The following GMDS variants were observed in gnomAD, a reference collection of about 807,000 sequenced individuals.
The protein encoded by GMDS is GDP-mannose 4,6-dehydratase.
GMDS carries 20 observed loss-of-function variants against 49.9 expected under a neutral mutation model. The ratio of observed to expected loss-of-function variants is 0.40; its 90% CI spans 0.28 to 0.58. The LOEUF is 0.58. Ranked by LOEUF, GMDS falls within the 20% of genes least tolerant of loss-of-function variation. The probability of loss-of-function intolerance (pLI) is 0.42; values close to 1 mark genes in which losing one functional copy is unlikely to be tolerated. For missense variants in GMDS, 362 were observed against 481.4 expected, an observed-to-expected ratio of 0.75 and a Z score of 2.32; for synonymous variants, 177 against 178.6, an observed-to-expected ratio of 0.99 and a Z score of 0.07.
intron 7 of GMDS, among the ~76,000 whole-genome samples, chr6:1,781,327 TG>T (rs1444765593): frequency 6.6e-6 from 1 of 152,194 alleles, no homozygotes; most frequent in South Asian, 2.1e-4. Context: ...CTGCTGCTGG[TG>T]GTCCTTGCCC....
At chr6:1,728,450 A>G (rs1028795666) in intron 8 of GMDS, among the ~76,000 whole-genome samples, 1 of 152,188 alleles carries the variant, frequency 6.6e-6, no homozygotes, top group African/African-American at 2.4e-5. Context: ...CAGAAATACC[A>G]TTTACAATTC....
At chr6:2,210,354 G>GT (rs1780008850) in intron 1 of GMDS, among the ~76,000 whole-genome samples, 1 of 152,182 alleles carries the variant, frequency 6.6e-6, no homozygotes, top group Non-Finnish European at 1.5e-5. Flanking sequence ...CTGGCAAATA[G>GT]TAAGTGCTCA....
chr6:1,788,953 C>G (rs1008429348), intron 7 of GMDS, among the ~76,000 whole-genome samples: 7 of 152,142 alleles, frequency 4.6e-5, no homozygotes, highest in African/African-American at 1.7e-4. Flanking sequence ...GGGCACCAGC[C>G]CCGGTTTGCG....
chr6:1,712,769 TA>T (rs1298668655), intron 9 of GMDS, among the ~76,000 whole-genome samples: 294 of 148,680 alleles, frequency 2.0e-3, no homozygotes, highest in African/African-American at 6.8e-3. Context: ...TTGAATTCTT[TA>T]AAAAAAAAAC....
At chr6:1,700,089 T>G (rs956046585) in intron 9 of GMDS, among the ~76,000 whole-genome samples, 7 of 152,148 alleles carry the variant, frequency 4.6e-5, no homozygotes, top group Non-Finnish European at 1.0e-4. Context: ...GACACCAAAG[T>G]GTATGAGCTC....
At chr6:2,102,649 C>T (rs150188466) in intron 4 of GMDS, among the ~76,000 whole-genome samples, 80 of 152,294 alleles carry the variant, frequency 5.3e-4, no homozygotes, top group Middle Eastern at 3.4e-3. Context: ...AGAAAAAGTA[C>T]GCAGTCACCT....
At chr6:1,785,838 G>A (rs1272813568) in intron 7 of GMDS, among the ~76,000 whole-genome samples, 2 of 152,226 alleles carry the variant, frequency 1.3e-5, no homozygotes, top group African/African-American at 4.8e-5. Flanking sequence ...CTTCAGCAGT[G>A]CTCATTTTCT....
At chr6:1,650,991 C>G (rs1010629121) in intron 9 of GMDS, among the ~76,000 whole-genome samples, 2 of 152,252 alleles carry the variant, frequency 1.3e-5, no homozygotes, top group African/African-American at 4.8e-5. Flanking sequence ...AAGTACTCGG[C>G]AACCCTGCCA....
chr6:1,990,755 T>TG (rs1185529795), intron 4 of GMDS, among the ~76,000 whole-genome samples: 15 of 136,506 alleles, frequency 1.1e-4, no homozygotes, highest in African/African-American at 3.5e-4. Flanking sequence ...TTTTTTTTTT[T>TG]GGGGGGGTAG....
chr6:2,033,351 C>T (rs974664229), intron 4 of GMDS, among the ~76,000 whole-genome samples: 12 of 152,140 alleles, frequency 7.9e-5, no homozygotes, highest in Admixed American at 5.9e-4. Flanking sequence ...AGCAATATTT[C>T]CCTTAAACAT....
At position 1,673,133 on chromosome 6, in the gene GMDS, C is replaced by T. The variant is rs1418710370; in HGVS notation, c.988-48593G>A. ...GTTTAAGATCTCAGAGAGGTCTCTC[C>T]AGTTTCAGACAGTCACCAATGCCAG... On this transcript the variant is annotated intron_variant, in intron 9 of 10. Transcript: ENST00000380815. 3.3e-5 allele frequency among the ~76,000 whole-genome samples: 5 copies of T among 152,208 alleles called. No individual in the cohort carries two copies. The East Asian group carries it at 9.6e-4, about 29-fold the overall frequency.
At chr6:1,933,798 G>T (rs1051384080) in intron 6 of GMDS, among the ~76,000 whole-genome samples, 1 of 152,144 alleles carries the variant, frequency 6.6e-6, no homozygotes, top group African/African-American at 2.4e-5. Context: ...AATTTGCAAA[G>T]ATTTTCTCTC....
At chr6:1,763,527 C>A (rs1325294752) in intron 7 of GMDS, among the ~76,000 whole-genome samples, 4 of 152,220 alleles carry the variant, frequency 2.6e-5, no homozygotes, top group Non-Finnish European at 5.9e-5. Flanking sequence ...ACATTAAAAA[C>A]CATGGTCAGT....
intron 4 of GMDS, among the ~76,000 whole-genome samples, chr6:1,981,348 G>T (rs1286381963): frequency 1.3e-5 from 2 of 152,092 alleles, no homozygotes; most frequent in Admixed American, 1.3e-4. Flanking sequence ...AATGATAAGG[G>T]GGATATCACC....
intron 1 of GMDS, among the ~76,000 whole-genome samples, chr6:2,214,511 A>T (rs1780226427): frequency 6.6e-6 from 1 of 152,226 alleles, no homozygotes; most frequent in African/African-American, 2.4e-5. Flanking sequence ...TAATCTAAGT[A>T]TGATTTATCA....
At chr6:1,748,128 C>T (rs1267202309) in intron 7 of GMDS, among the ~76,000 whole-genome samples, 1 of 152,138 alleles carries the variant, frequency 6.6e-6, no homozygotes, top group African/African-American at 2.4e-5. Flanking sequence ...CAGGAATACA[C>T]AGCTAAAAAC....
chr6:2,079,998 T>G (rs1280761181), intron 4 of GMDS, among the ~76,000 whole-genome samples: 20 of 152,176 alleles, frequency 1.3e-4, no homozygotes, highest in Non-Finnish European at 2.9e-5. Context: ...AATTATTCTT[T>G]TTTATTCTTT....
chr6:1,781,049 C>T (rs537067001), intron 7 of GMDS, among the ~76,000 whole-genome samples: 12 of 152,224 alleles, frequency 7.9e-5, no homozygotes, highest in East Asian at 1.9e-4. Flanking sequence ...GTAAAAGCAT[C>T]GAATCCCAAG....
At chr6:1,681,455 G>T (rs957817127) in intron 9 of GMDS, among the ~76,000 whole-genome samples, 1 of 152,224 alleles carries the variant, frequency 6.6e-6, no homozygotes, top group Non-Finnish European at 1.5e-5. Context: ...GAGGTTGTAA[G>T]AAATTATGAA....
Sources: allele counts gnomAD v4.1 joint callset (sites outside exome capture counted in the v4.1 genomes callset), GRCh38; gene constraint gnomAD v4.1.1; transcripts MANE v1.5; gene names NCBI Gene and HGNC (gene_info 2026-07-23, HGNC 2026-07-21).